The following BNC2 variants were observed in gnomAD, a reference collection of about 807,000 sequenced individuals.
BNC2 encodes zinc finger protein basonuclin-2.
BNC2 carries 20 observed loss-of-function variants against 76.3 expected under a neutral mutation model. The observed-to-expected ratio is 0.26, with a 90% CI of 0.18 to 0.38. BNC2 has a LOEUF of 0.38. Ranked by LOEUF, BNC2 falls within the 10% of genes least tolerant of loss-of-function variation. The pLI, the probability that BNC2 is intolerant of heterozygous loss-of-function variation, is 1.00. For missense variants in BNC2, 1,382 were observed against 1,399.8 expected, an observed-to-expected ratio of 0.99 and a Z score of 0.20; for synonymous variants, 582 against 514.8, an observed-to-expected ratio of 1.13 and a Z score of -1.77.
chr9:16,765,973 G>C (rs1825680959), intron 1 of BNC2, among the ~76,000 whole-genome samples: 1 of 151,938 alleles, frequency 6.6e-6, no homozygotes, highest in East Asian at 1.9e-4. Context: ...ATTTTTAGTA[G>C]AGACGGGATT....
chr9:16,724,747 C>T (rs1170348922), intron 3 of BNC2, among the ~76,000 whole-genome samples: 1 of 152,070 alleles, frequency 6.6e-6, no homozygotes, highest in Non-Finnish European at 1.5e-5. Flanking sequence ...TGTATCCCTA[C>T]TTCCTAGTTT....
chr9:16,627,052 A>T (rs1462968815), intron 3 of BNC2, among the ~76,000 whole-genome samples: 1 of 152,188 alleles, frequency 6.6e-6, no homozygotes, highest in African/African-American at 2.4e-5. Flanking sequence ...TGTGTCACAG[A>T]CTACAGCCCC....
In BNC2 at chr9:16,751,544, T is replaced by C. The variant is rs561053930; in HGVS notation, c.4-13059A>G. ...AGTAAATATCAAACACTGTGAAGAGTCATAAATCATATAAAAAGTTATTAT... is the reference window on the plus strand; with the variant it reads ...AGTAAATATCAAACACTGTGAAGAGCCATAAATCATATAAAAAGTTATTAT... On this transcript the variant is annotated intron_variant, in intron 1 of 6. Transcript: ENST00000380672. Among the ~76,000 whole-genome samples, 18 of 95,614 alleles carry C rather than the reference T, an allele frequency of 1.9e-4. 1 individual carries two copies. The East Asian group carries it at 5.6e-3, about 30-fold the overall frequency. 62.7% of individuals were successfully genotyped at this position (95,614 alleles called of 152,430 possible). A position where few individuals can be genotyped will look rare whatever the true frequency, so the allele number is the denominator to read the frequency against.
At chr9:16,475,969 T>C (rs1412414500) in intron 5 of BNC2, 1 of 152,228 alleles carries the variant, frequency 6.6e-6, no homozygotes, top group Non-Finnish European at 1.5e-5. Context: ...TTTAATCAAA[T>C]GCACCATGTC....
intron 4 of BNC2, among the ~76,000 whole-genome samples, chr9:16,559,770 G>A (rs1818954010): frequency 6.6e-6 from 1 of 152,064 alleles, no homozygotes; most frequent in Non-Finnish European, 1.5e-5. Context: ...CTCCTAAAAT[G>A]CTCTCCTCCT....
intron 5 of BNC2, among the ~76,000 whole-genome samples, chr9:16,452,320 C>T (rs1230729368): frequency 6.6e-6 from 1 of 152,198 alleles, no homozygotes; most frequent in Non-Finnish European, 1.5e-5. Flanking sequence ...AACTGCAACA[C>T]TGTCTCTCAT....
chr9:16,747,056 T>C (rs116961835), intron 1 of BNC2, among the ~76,000 whole-genome samples: 1 of 151,918 alleles, frequency 6.6e-6, no homozygotes, highest in African/African-American at 2.4e-5. Flanking sequence ...ATTTTTAAAA[T>C]ATACAAAATA....
chr9:16,497,823 G>C (rs1822422145), intron 5 of BNC2, among the ~76,000 whole-genome samples: 1 of 152,052 alleles, frequency 6.6e-6, no homozygotes, highest in African/African-American at 2.4e-5. Context: ...ACGCAGGTTA[G>C]CCAGTCATAT....
Position 16,435,886 on chromosome 9 carries a change from C to T in BNC2, c.2308G>A (p.Asp770Asn). ...DENHSEPSHQDVIKVKEEFTD... is the reference protein window; with the variant it reads ...DENHSEPSHQNVIKVKEEFTD... ...AATTCTTCCTTCACCTTGATGACGT[C>T]CTGGTGAGAGGGCTCACTGTGGTTC... The change falls in exon 6 of 7, where the codon GAC (aspartate) becomes AAC (asparagine). Residue 770 changes from aspartate to asparagine, a missense_variant. Coordinates refer to ENST00000380672, the MANE Select transcript of BNC2 (RefSeq NM_017637.6). The T allele has an allele frequency of 1.9e-6, 3 of 1,613,948 alleles. No individual in the cohort carries two copies. The highest frequency in any genetic ancestry group is 2.5e-6 in the Non-Finnish European group (3 of 1,179,856).
At chr9:16,496,578 T>A (rs12346420) in intron 5 of BNC2, among the ~76,000 whole-genome samples, 30,902 of 152,222 alleles carry the variant, frequency 0.2, 3,376 homozygotes, top group Non-Finnish European at 0.23. Context: ...AGAACAGACA[T>A]CTAAGGTTTA....
chr9:16,530,205 T>C (rs1817935007), intron 5 of BNC2, among the ~76,000 whole-genome samples: 1 of 152,136 alleles, frequency 6.6e-6, no homozygotes. Context: ...AGGTTGACTA[T>C]GCACAGGCAT....
intron 5 of BNC2, among the ~76,000 whole-genome samples, chr9:16,493,186 A>C (rs1283061036): frequency 6.6e-6 from 1 of 152,198 alleles, no homozygotes; most frequent in Non-Finnish European, 1.5e-5. Context: ...ACAGGTAAGC[A>C]AAACCACTGA....
intron 5 of BNC2, among the ~76,000 whole-genome samples, chr9:16,506,469 C>CCTTACTGG (rs1459667071): frequency 1.3e-5 from 2 of 148,888 alleles, no homozygotes; most frequent in East Asian, 3.9e-4. Context: ...TTTTATCTAC[C>CCTTACTGG]CTTACTGGAT....
chr9:16,643,844 A>G (rs1426819009), intron 3 of BNC2, among the ~76,000 whole-genome samples: 3 of 152,166 alleles, frequency 2.0e-5, no homozygotes, highest in African/African-American at 4.8e-5. Context: ...TATATTAAAG[A>G]AATCTTCAAA....
chr9:16,521,338 T>C (rs982353480), intron 5 of BNC2, among the ~76,000 whole-genome samples: 1 of 152,178 alleles, frequency 6.6e-6, no homozygotes, highest in African/African-American at 2.4e-5. Context: ...TTAAGTTAAA[T>C]TTCCACCGGA....
chr9:16,485,017 G>C (rs1246060795), intron 5 of BNC2, among the ~76,000 whole-genome samples: 5 of 151,968 alleles, frequency 3.3e-5, no homozygotes, highest in African/African-American at 4.8e-5. Flanking sequence ...ACAAGAAGAG[G>C]ACTGCCGTGG....
intron 6 of BNC2, among the ~76,000 whole-genome samples, chr9:16,428,308 G>C (rs553839366): frequency 6.6e-6 from 1 of 152,300 alleles, no homozygotes; most frequent in Non-Finnish European, 1.5e-5. Flanking sequence ...AGCAGAGTTA[G>C]AGCGGCTCCC....
chr9:16,839,322 T>A (rs1818774885), intron 1 of BNC2, among the ~76,000 whole-genome samples: 1 of 152,246 alleles, frequency 6.6e-6, no homozygotes, highest in Non-Finnish European at 1.5e-5. Context: ...CATGTTTATA[T>A]TATGCTATGT....
chr9:16,551,046 C>A (rs1018500554), intron 5 of BNC2, among the ~76,000 whole-genome samples: 4 of 152,130 alleles, frequency 2.6e-5, no homozygotes. Context: ...CCTCATGCCC[C>A]CTGACCGTCC....
Sources: gnomAD v4.1 joint callset for allele counts (sites outside exome capture counted in the v4.1 genomes callset) on GRCh38, gnomAD v4.1.1 for gene constraint, MANE v1.5 for transcripts, NCBI Gene and HGNC (gene_info 2026-07-23, HGNC 2026-07-21) for gene names.